Variants in LCK observed in about 807,000 individuals in gnomAD.
LCK encodes the protein tyrosine-protein kinase Lck.
A neutral mutation model predicts 64.6 loss-of-function variants in LCK; 14 were observed. That is an observed-to-expected ratio of 0.22 (90% CI 0.14 to 0.34). The LOEUF (loss-of-function observed/expected upper bound fraction) is 0.34. LCK is among the 10% of genes least tolerant of loss of function. The probability of loss-of-function intolerance (pLI) is 1.00; values close to 1 mark genes in which losing one functional copy is unlikely to be tolerated. For synonymous variants in LCK, 277 were observed against 263.6 expected (o/e 1.05, Z -0.49); for missense variants, 434 against 668.1 (o/e 0.65, Z 3.86).
chr1:32,256,145 T>G lies in LCK; in HGVS notation c.-6+4774T>G, dbSNP rs116536931. Among the ~76,000 whole-genome samples the G allele has an allele frequency of 3.7e-3, 558 of 151,948 alleles. 2 individuals carry two copies. The highest frequency in any genetic ancestry group is 9.9e-3 in the African/African-American group (411 of 41,470). Reference sequence around the variant, plus strand: ...ACAATACAATTTATTTATTTATTTATTTAGTTATTTATAGATGGAGTCTTG... The same window carrying G: ...ACAATACAATTTATTTATTTATTTAGTTAGTTATTTATAGATGGAGTCTTG... On this transcript the variant is annotated intron_variant, in intron 1 of 12. Transcript: ENST00000336890.
intron 2 of LCK, 34 bp from the exon 3 acceptor site, chr1:32,274,703 C>T (rs1360072694): frequency 6.6e-7 from 1 of 1,517,536 alleles, no homozygotes; most frequent in South Asian, 1.3e-5. Context: ...CAATCTTCTG[C>T]TTTCTGACCC....
At chr1:32,252,814 C>G (rs79853649) in intron 1 of LCK, among the ~76,000 whole-genome samples, 2,571 of 152,262 alleles carry the variant, frequency 0.017, 37 homozygotes, top group Non-Finnish European at 0.024. Context: ...CAAGACAGTT[C>G]TGAGAAGGAG....
chr1:32,280,195 C>A lies in LCK; in HGVS notation c.1312C>A (p.Arg438Ser), dbSNP rs781572505. ...ILLTEIVTHGRIPYPGMTNPE... is the reference protein window; with the variant it reads ...ILLTEIVTHGSIPYPGMTNPE... ...GCTGACGGAAATTGTCACCCACGGC[C>A]GCATCCCTTACCCAGGTTAGAGCCA... is the stretch of plus-strand genomic sequence containing the variant. The change falls in exon 12 of 13, where the codon CGC (arginine) becomes AGC (serine). Residue 438 changes from arginine to serine, a missense_variant. Transcript: ENST00000336890. The A allele has an allele frequency of 6.2e-7, 1 of 1,613,968 alleles. No individual in the cohort carries two copies. The highest frequency in any genetic ancestry group is 8.5e-7 in the Non-Finnish European group (1 of 1,180,022).
At chr1:32,259,671 G>A (rs1287997530) in intron 1 of LCK, among the ~76,000 whole-genome samples, 2 of 151,670 alleles carry the variant, frequency 1.3e-5, no homozygotes, top group South Asian at 2.1e-4. Context: ...ATAGCCAGGC[G>A]TGGTGGCACA....
At chr1:32,264,073 A>G (rs1319419859) in intron 1 of LCK, among the ~76,000 whole-genome samples, 1 of 152,136 alleles carries the variant, frequency 6.6e-6, no homozygotes, top group Non-Finnish European at 1.5e-5. Context: ...ACTCCTGCAA[A>G]CCCACAGATA....
In LCK at chr1:32,276,238, G is replaced by A; in HGVS notation, c.632-99G>A. The A allele has an allele frequency of 6.7e-7, 1 of 1,486,658 alleles. No homozygotes were observed. The highest frequency in any genetic ancestry group is 9.0e-7 in the Non-Finnish European group (1 of 1,114,410). 92.1% of individuals were successfully genotyped at this position (1,486,658 alleles called of 1,614,324 possible). A position where few individuals can be genotyped will look rare whatever the true frequency, so the allele number is the denominator to read the frequency against. On this transcript the variant is annotated intron_variant, in intron 7 of 12. Transcript: ENST00000336890. The surrounding 1 kb of genome is among the most constrained non-coding windows in gnomAD (Gnocchi z 4.6). ...GTGACAGCCCCACACCCCCTTGCTA[G>A]TCCACTTCACCTAGATGGGGGCTTG...
At chr1:32,266,590 T>G (rs1273906353) in intron 1 of LCK, among the ~76,000 whole-genome samples, 1 of 115,862 alleles carries the variant, frequency 8.6e-6, no homozygotes, top group Non-Finnish European at 1.6e-5. Flanking sequence ...CCTTTCTTCC[T>G]CCTCCTCCTC....
intron 9 of LCK, among the ~76,000 whole-genome samples, chr1:32,277,710 C>T (rs1477675960): frequency 6.6e-6 from 1 of 152,210 alleles, no homozygotes; most frequent in Non-Finnish European, 1.5e-5. Context: ...GAGTATTCAT[C>T]AAGGCCTCTA....
chr1:32,283,091 C>G (rs1166191344), intron 12 of LCK, among the ~76,000 whole-genome samples: 4 of 151,820 alleles, frequency 2.6e-5, no homozygotes, highest in Non-Finnish European at 4.4e-5. Context: ...GAGGTGGAGA[C>G]CAGCCTGACC....
chr1:32,263,402 AAAATAAATAAATAAAT>A (rs148681600), intron 1 of LCK, among the ~76,000 whole-genome samples: 315 of 141,102 alleles, frequency 2.2e-3, no homozygotes, highest in Middle Eastern at 0.011. Context: ...CAAAATAAAT[AAAATAAATAAATAAAT>A]AAATAAATAA....
At chr1:32,282,630 C>T (rs1355236546) in intron 12 of LCK, among the ~76,000 whole-genome samples, 1 of 151,872 alleles carries the variant, frequency 6.6e-6, no homozygotes, top group Non-Finnish European at 1.5e-5. Flanking sequence ...ATGGTGAAAC[C>T]CTGCCTCTAC....
rs374526337 is a variant in LCK, at chr1:32,276,327, G to C, written c.632-10G>C. The C allele has an allele frequency of 1.9e-6, 3 of 1,553,628 alleles. No homozygotes were observed. Among genetic ancestry groups the C allele is most frequent in the East Asian group, 4.5e-5 (2 of 44,442 alleles). On this transcript the variant is annotated splice_polypyrimidine_tract_variant and intron_variant, in intron 7 of 12. Transcript: ENST00000336890. This position sits in a 1 kb window ranked among gnomAD's most constrained non-coding sequence, Gnocchi z 4.6. Reference sequence around the variant, plus strand: ...TATTGACAGCCTTCACCCCTCCCTCGTCCTCGCAGATGCTTCAGATGGGCT... The same window carrying C: ...TATTGACAGCCTTCACCCCTCCCTCCTCCTCGCAGATGCTTCAGATGGGCT...
chr1:32,279,235 C>A (rs781458830), intron 9 of LCK, among the ~76,000 whole-genome samples: 11 of 151,984 alleles, frequency 7.2e-5, no homozygotes, highest in Admixed American at 2.6e-4. Flanking sequence ...TCTAGCAGGG[C>A]CACGAAAGAA....
At chr1:32,277,916 C>T (rs1232347139) in intron 9 of LCK, among the ~76,000 whole-genome samples, 1 of 152,198 alleles carries the variant, frequency 6.6e-6, no homozygotes, top group African/African-American at 2.4e-5. Flanking sequence ...TGGCTCAAGC[C>T]TATAACTCCA....
Position 32,280,192 on chromosome 1 carries a change from G to A in LCK, c.1309G>A (p.Gly437Ser), listed in dbSNP as rs755594088. 8 of 1,614,038 alleles carry A rather than the reference G, an allele frequency of 5.0e-6. No homozygotes were observed. The highest frequency in any genetic ancestry group is 5.9e-6 in the Non-Finnish European group (7 of 1,180,008). ...CCTGCTGACGGAAATTGTCACCCACGGCCGCATCCCTTACCCAGGTTAGAG... is the reference window on the plus strand; with the variant it reads ...CCTGCTGACGGAAATTGTCACCCACAGCCGCATCCCTTACCCAGGTTAGAG... The part of the protein sequence containing the change: ...GILLTEIVTH[G>S]RIPYPGMTNP... Residue 437 changes from glycine to serine, a missense_variant, in exon 12 of 13, where the codon GGC (glycine) becomes AGC (serine). Transcript: ENST00000336890.
chr1:32,272,851 G>C (rs2124346438), intron 1 of LCK, among the ~76,000 whole-genome samples: 1 of 145,442 alleles, frequency 6.9e-6, no homozygotes, highest in South Asian at 2.2e-4. Context: ...GGGGATGCCT[G>C]TGTGTGTGTG....
At chr1:32,266,836 T>G (rs1275026800) in intron 1 of LCK, among the ~76,000 whole-genome samples, 1 of 95,644 alleles carries the variant, frequency 1.0e-5, no homozygotes, top group Admixed American at 1.1e-4. Flanking sequence ...CCTCCCTTTC[T>G]TTCTCCTCCT....
chr1:32,264,405 C>T (rs575761419), intron 1 of LCK, among the ~76,000 whole-genome samples: 31 of 152,048 alleles, frequency 2.0e-4, no homozygotes, highest in African/African-American at 7.0e-4. Context: ...GCCAGCAATC[C>T]CAGCTATTTG....
chr1:32,276,248 C>T lies in LCK; in HGVS notation c.632-89C>T, dbSNP rs1640265134. On this transcript the variant is annotated intron_variant, in intron 7 of 12. Coordinates refer to ENST00000336890, the MANE Select transcript of LCK (RefSeq NM_005356.5). The surrounding 1 kb of genome is among the most constrained non-coding windows in gnomAD (Gnocchi z 4.6). ...CACACCCCCTTGCTAGTCCACTTCA[C>T]CTAGATGGGGGCTTGGAGAAGTGGG... is the stretch of plus-strand genomic sequence containing the variant. 6.7e-7 allele frequency: 1 copy of T among 1,499,174 alleles called. No homozygotes were observed. Among genetic ancestry groups the T allele is most frequent in the Non-Finnish European group, 8.9e-7 (1 of 1,125,208 alleles). 92.9% of individuals were successfully genotyped at this position (1,499,174 alleles called of 1,614,324 possible). A position where few individuals can be genotyped will look rare whatever the true frequency, so the allele number is the denominator to read the frequency against.
Sources: allele counts gnomAD v4.1 joint callset (sites outside exome capture counted in the v4.1 genomes callset), GRCh38; gene constraint gnomAD v4.1.1; non-coding constraint Gnocchi (gnomAD v3.1); transcripts MANE v1.5; gene names NCBI Gene and HGNC (gene_info 2026-07-23, HGNC 2026-07-21).